The following CDH6 variants were observed in gnomAD, a reference collection of about 807,000 sequenced individuals.
The protein encoded by CDH6 is cadherin 6.
Under a neutral mutation model 78.0 loss-of-function variants are expected in CDH6, and 31 were observed. The observed-to-expected ratio is 0.40, with a 90% confidence interval of 0.30 to 0.54. The LOEUF (loss-of-function observed/expected upper bound fraction) is 0.54, where lower values mean the gene tolerates loss of function less well. Ranked by LOEUF, CDH6 falls within the 20% of genes least tolerant of loss-of-function variation. The pLI, the probability that CDH6 is intolerant of heterozygous loss-of-function variation, is 0.56. For missense variants in CDH6, 724 were observed against 975.9 expected (o/e 0.74, Z 3.44); for synonymous variants, 376 against 368.8 (o/e 1.02, Z -0.23).
intron 1 of CDH6, among the ~76,000 whole-genome samples, chr5:31,245,683 A>G (rs1741726390): frequency 6.6e-6 from 1 of 152,190 alleles, no homozygotes; most frequent in Non-Finnish European, 1.5e-5. Flanking sequence ...ATTTTTATCT[A>G]CAAGAAATAT....
At chr5:31,302,919 G>GAA (rs1442564343) in intron 6 of CDH6, among the ~76,000 whole-genome samples, 1 of 116,648 alleles carries the variant, frequency 8.6e-6, no homozygotes, top group Admixed American at 8.9e-5. Flanking sequence ...AAGAAAGAAA[G>GAA]AAAGAAAGAA....
At chr5:31,217,805 A>G (rs1417235811) in intron 1 of CDH6, among the ~76,000 whole-genome samples, 1 of 152,150 alleles carries the variant, frequency 6.6e-6, no homozygotes, top group Admixed American at 6.6e-5. Context: ...GCCTCTATTT[A>G]ACTAATGTTT....
intron 1 of CDH6, among the ~76,000 whole-genome samples, chr5:31,237,705 T>C (rs1741491146): frequency 6.6e-6 from 1 of 152,196 alleles, no homozygotes; most frequent in Non-Finnish European, 1.5e-5. Flanking sequence ...GTGATACACA[T>C]GTCACATCCT....
chr5:31,209,008 G>A (rs1172299740), intron 1 of CDH6, among the ~76,000 whole-genome samples: 1 of 152,182 alleles, frequency 6.6e-6, no homozygotes, highest in African/African-American at 2.4e-5. Context: ...CATGCCAACT[G>A]TTTTGTAAGG....
intron 2 of CDH6, among the ~76,000 whole-genome samples, chr5:31,278,171 C>T (rs1742751283): frequency 6.6e-6 from 1 of 152,098 alleles, no homozygotes; most frequent in Non-Finnish European, 1.5e-5. Context: ...TGTTTTGCAG[C>T]ATTAGCTTAA....
At position 31,217,042 on chromosome 5, in the gene CDH6, C is replaced by G. The variant is rs369284091; in HGVS notation, c.-129+23156C>G. 2.2e-4 allele frequency among the ~76,000 whole-genome samples: 34 copies of G among 152,124 alleles called. 2 individuals carry two copies. In the South Asian group the frequency reaches 7.1e-3, roughly 32 times the overall value. ...CCTTTTATTATGCATGTTGATATTC[C>G]TCACAGTAATTCAGCCCAGGGCGTG... On this transcript the variant is annotated intron_variant, in intron 1 of 11. Coordinates refer to ENST00000265071, the MANE Select transcript of CDH6 (RefSeq NM_004932.4).
At chr5:31,267,231 C>A (rs752593179) in intron 1 of CDH6, 115 bp from the exon 2 acceptor site, 2 of 485,220 alleles carry the variant, frequency 4.1e-6, no homozygotes, top group Non-Finnish European at 7.3e-6. Context: ...TGATAGCCAA[C>A]TTTTTTTGTT....
intron 7 of CDH6, among the ~76,000 whole-genome samples, chr5:31,308,793 T>A (rs1738067181): frequency 6.6e-6 from 1 of 152,106 alleles, no homozygotes; most frequent in African/African-American, 2.4e-5. Flanking sequence ...AAAATATAAT[T>A]ACTTGTAAAA....
chr5:31,273,358 A>G (rs1008312454), intron 2 of CDH6, among the ~76,000 whole-genome samples: 3 of 152,230 alleles, frequency 2.0e-5, no homozygotes, highest in African/African-American at 7.2e-5. Context: ...GTCAGATGAA[A>G]GCATCGTCAT....
At chr5:31,318,067 G>C (rs758992053) in intron 11 of CDH6, 143 bp downstream of exon 11, 5 of 1,003,684 alleles carry the variant, frequency 5.0e-6, no homozygotes, top group Non-Finnish European at 7.8e-6. Context: ...AATCTGTGCT[G>C]TACGATGTGA....
intron 1 of CDH6, among the ~76,000 whole-genome samples, chr5:31,213,857 C>T (rs1182804902): frequency 1.7e-3 from 3 of 1,778 alleles, no homozygotes; most frequent in Non-Finnish European, 9.9e-3. Flanking sequence ...ACATAACATC[C>T]CCCCTCCTGG....
Position 31,267,449 on chromosome 5 carries a change from G to C in CDH6, c.-25G>C. Reference sequence around the variant, plus strand: ...CTTCCAAGAGTGGGGCACTCACTACGCACAGACTCGACGGTGCCATCAGCA... The same window carrying C: ...CTTCCAAGAGTGGGGCACTCACTACCCACAGACTCGACGGTGCCATCAGCA... On this transcript the variant is annotated 5_prime_UTR_variant, in exon 2 of 12. Coordinates refer to ENST00000265071, the MANE Select transcript of CDH6 (RefSeq NM_004932.4). The C allele has an allele frequency of 1.3e-6, 2 of 1,579,800 alleles. No individual in the cohort carries two copies. Among genetic ancestry groups the C allele is most frequent in the Non-Finnish European group, 1.7e-6 (2 of 1,148,802 alleles).
intron 2 of CDH6, among the ~76,000 whole-genome samples, chr5:31,292,156 A>G (rs1394064687): frequency 1.3e-5 from 2 of 152,182 alleles, no homozygotes; most frequent in African/African-American, 2.4e-5. Flanking sequence ...TTGACTCTAC[A>G]ATGATGGATT....
chr5:31,284,565 G>A (rs1020190192), intron 2 of CDH6, among the ~76,000 whole-genome samples: 6 of 152,166 alleles, frequency 3.9e-5, no homozygotes, highest in Non-Finnish European at 5.9e-5. Flanking sequence ...AGAAGGGGGT[G>A]GATTGATCCA....
Position 31,317,763 on chromosome 5 carries a change from A to G in CDH6, c.1721A>G (p.Asp574Gly), listed in dbSNP as rs1738366500. 7 of 1,614,210 alleles carry G rather than the reference A, an allele frequency of 4.3e-6. No individual in the cohort carries two copies. The highest frequency in any genetic ancestry group is 5.9e-6 in the Non-Finnish European group (7 of 1,180,040). The change falls in exon 11 of 12, where the codon GAC (aspartate) becomes GGC (glycine). Residue 574 changes from aspartate to glycine, a missense_variant. This residue lies in a region of CDH6 where 446 missense variants were observed against 684.5 expected (regional missense o/e 0.65). Transcript: ENST00000265071. ...YLLPVVISDNDYPVQSSTGTV... is the reference protein window; with the variant it reads ...YLLPVVISDNGYPVQSSTGTV... ...TTGCCTGTGGTCATTTCAGACAACG[A>G]CTACCCAGTTCAAAGCAGCACTGGG...
chr5:31,286,701 C>T (rs1284538288), intron 2 of CDH6, among the ~76,000 whole-genome samples: 1 of 152,110 alleles, frequency 6.6e-6, no homozygotes, highest in African/African-American at 2.4e-5. Context: ...AGACTGGCAT[C>T]TTCAGAGTTG....
chr5:31,294,239 C>G lies in CDH6; in HGVS notation c.506C>G (p.Pro169Arg). Residue 169 changes from proline (P) to arginine (R), a missense_variant, in exon 3 of 12, where the codon CCT becomes CGT. Transcript: ENST00000265071. The surrounding 1 kb of genome is among the most constrained non-coding windows in gnomAD (Gnocchi z 4.1). Reference sequence around the variant, plus strand: ...AAGGAGGTTTACACAGCCACTGTCCCTGAAATGTCTGATGTCGGTGAGTGA... The same window carrying G: ...AAGGAGGTTTACACAGCCACTGTCCGTGAAATGTCTGATGTCGGTGAGTGA... ...FTKEVYTATV[P>R]EMSDVGTFVV... The G allele has an allele frequency of 1.2e-6, 2 of 1,612,608 alleles. No individual in the cohort carries two copies. The highest frequency in any genetic ancestry group is 1.7e-6 in the Non-Finnish European group (2 of 1,179,154).
chr5:31,303,758 T>A (rs1737897989), intron 6 of CDH6, among the ~76,000 whole-genome samples: 1 of 152,196 alleles, frequency 6.6e-6, no homozygotes, highest in South Asian at 2.1e-4. Flanking sequence ...ACAAGAGATT[T>A]TTTTTTCCTC....
At chr5:31,195,395 T>G (rs546321862) in intron 1 of CDH6, among the ~76,000 whole-genome samples, 14 of 152,314 alleles carry the variant, frequency 9.2e-5, no homozygotes, top group Middle Eastern at 3.4e-3. Flanking sequence ...ACAAATATGC[T>G]TATATGAATA....
Sources: gnomAD v4.1 joint callset for allele counts (sites outside exome capture counted in the v4.1 genomes callset) on GRCh38, gnomAD v4.1.1 for gene constraint, gnomAD v4.1.1 regional missense constraint, Gnocchi (gnomAD v3.1) non-coding constraint, MANE v1.5 for transcripts, NCBI Gene and HGNC (gene_info 2026-07-23, HGNC 2026-07-21) for gene names.